Variants in MAPK8IP1 observed in about 807,000 individuals in gnomAD.
The protein encoded by MAPK8IP1 is mitogen-activated protein kinase 8 interacting protein 1, also known as C-Jun-amino-terminal kinase-interacting protein 1.
Under a neutral mutation model 72.6 loss-of-function variants are expected in MAPK8IP1, and 17 were observed. That is an observed-to-expected ratio of 0.23 (90% confidence interval 0.16 to 0.35). The LOEUF (loss-of-function observed/expected upper bound fraction) is 0.35, where lower values mean the gene tolerates loss of function less well. Among genes scored for constraint, MAPK8IP1 ranks in the 10% least tolerant of loss-of-function variants. The pLI, the probability that MAPK8IP1 is intolerant of heterozygous loss-of-function variation, is 1.00. For missense variants in MAPK8IP1, 789 were observed against 1,009.7 expected (o/e 0.78, Z 2.96); for synonymous variants, 401 against 443.4 (o/e 0.90, Z 1.20).
At position 45,898,976 on chromosome 11, in the gene MAPK8IP1, G is replaced by A. The variant is rs551356359; in HGVS notation, c.207+786G>A. ...AGCTCCTCTGAGCCCCCAAGAGGGC[G>A]GGTAGCCAGATACGGTGTCAGGAGA... On this transcript the variant is annotated intron_variant, in intron 2 of 11. Transcript: ENST00000241014. 3.9e-5 allele frequency among the ~76,000 whole-genome samples: 6 copies of A among 152,348 alleles called. No individual in the cohort carries two copies. In the South Asian group the frequency reaches 1.0e-3, roughly 26 times the overall value.
rs1406506939 is a variant in MAPK8IP1, at chr11:45,885,762, C to G, written c.-59C>G. 2 of 1,062,594 alleles carry G rather than the reference C, an allele frequency of 1.9e-6. No individual in the cohort carries two copies. Among genetic ancestry groups the G allele is most frequent in the East Asian group, 6.5e-5 (2 of 30,640 alleles). 65.8% of individuals were successfully genotyped at this position (1,062,594 alleles called of 1,614,324 possible). A position where few individuals can be genotyped will look rare whatever the true frequency, so the allele number is the denominator to read the frequency against. The stretch of plus-strand genomic sequence containing the variant: ...CCTCTCGCCGCGCCTCCGCCTCCTT[C>G]GCAGCCGCCGCCTCCTCCGCGCCGC... On this transcript the variant is annotated 5_prime_UTR_variant, in exon 1 of 12. Coordinates refer to ENST00000241014, the MANE Select transcript of MAPK8IP1 (RefSeq NM_005456.4).
intron 1 of MAPK8IP1, among the ~76,000 whole-genome samples, chr11:45,887,163 T>C (rs1450319866): frequency 6.6e-6 from 1 of 152,166 alleles, no homozygotes; most frequent in African/African-American, 2.4e-5. Flanking sequence ...CCTGGAGGCC[T>C]CTGCAGTGGA....
At chr11:45,897,530 C>T (rs967177008) in intron 1 of MAPK8IP1, among the ~76,000 whole-genome samples, 1 of 152,184 alleles carries the variant, frequency 6.6e-6, no homozygotes, top group Admixed American at 6.5e-5. Flanking sequence ...GGCTGGAGTC[C>T]TTTCTGGAAT....
At chr11:45,887,705 C>T (rs933081103) in intron 1 of MAPK8IP1, among the ~76,000 whole-genome samples, 3 of 152,080 alleles carry the variant, frequency 2.0e-5, no homozygotes, top group Admixed American at 6.6e-5. Flanking sequence ...GCCAGCTCTG[C>T]GGCATGTGGG....
Position 45,904,949 on chromosome 11 carries a change from G to A in MAPK8IP1, c.1894-22G>A, listed in dbSNP as rs1554961246. The A allele has an allele frequency of 6.2e-6, 10 of 1,613,100 alleles. No individual in the cohort carries two copies. In the Admixed American group the frequency reaches 1.7e-4, roughly 27 times the overall value. ...CTGCAGGCCAGGTGACCGCCCTCTT[G>A]CTTCTTTTCTCCCTCCTGTAGGGGA... On this transcript the variant is annotated intron_variant, in intron 9 of 11. Transcript: ENST00000241014. The surrounding 1 kb of genome is among the most constrained non-coding windows in gnomAD (Gnocchi z 6.4).
chr11:45,886,191 G>A (rs1980218), intron 1 of MAPK8IP1, among the ~76,000 whole-genome samples: 2 of 152,352 alleles, frequency 1.3e-5, no homozygotes, highest in Non-Finnish European at 2.9e-5. Flanking sequence ...GAGGGGGCTC[G>A]GAGGCCTCCT....
At chr11:45,895,446 C>T (rs143438037) in intron 1 of MAPK8IP1, among the ~76,000 whole-genome samples, 1 of 151,822 alleles carries the variant, frequency 6.6e-6, no homozygotes, top group East Asian at 1.9e-4. Context: ...ATGGTGAAAC[C>T]CTGTCTCTAC....
chr11:45,903,071 C>T lies in MAPK8IP1; in HGVS notation c.1304C>T (p.Pro435Leu), dbSNP rs376342394. The change falls in exon 5 of 12, where the codon CCG (proline) becomes CTG (leucine). Residue 435 changes from proline (P) to leucine (L), a missense_variant. Physicochemically the swap from Pro to Leu is moderately conservative, Grantham distance 98. This residue lies in a region of MAPK8IP1 where 377 missense variants were observed against 411.7 expected (regional missense o/e 0.92). Coordinates refer to ENST00000241014, the MANE Select transcript of MAPK8IP1 (RefSeq NM_005456.4). This position sits in a 1 kb window ranked among gnomAD's most constrained non-coding sequence, Gnocchi z 6.4. ...ATCGGAGAGGAATATGAGGAGGCCCCGCGGCCCCAGCCCCCTGCCTGCCTC... is the reference window on the plus strand; with the variant it reads ...ATCGGAGAGGAATATGAGGAGGCCCTGCGGCCCCAGCCCCCTGCCTGCCTC... ...SAIGEEYEEAPRPQPPACLSE... is the reference protein window; with the variant it reads ...SAIGEEYEEALRPQPPACLSE... 1.4e-5 allele frequency: 23 copies of T among 1,611,484 alleles called. No individual in the cohort carries two copies. The highest frequency in any genetic ancestry group is 4.5e-5 in the East Asian group (2 of 44,862).
Position 45,898,121 on chromosome 11 carries a change from T to C in MAPK8IP1, c.138T>C (p.Asp46=), listed in dbSNP as rs1441344130. 6.2e-7 allele frequency: 1 copy of C among 1,613,758 alleles called. No individual in the cohort carries two copies. The change falls in exon 2 of 12, where the codon GAT becomes GAC. Residue 46 remains aspartate, a synonymous_variant. Transcript: ENST00000241014. Reference sequence around the variant, plus strand: ...ACATCAGCCTGGAGGAGTTTGAGGATGAAGACCTCTCGGAGATCACTGATG... The same window carrying C: ...ACATCAGCCTGGAGGAGTTTGAGGACGAAGACCTCTCGGAGATCACTGATG... ...THDISLEEFE[D]EDLSEITDEC...
At position 45,902,718 on chromosome 11, in the gene MAPK8IP1, C is replaced by A; in HGVS notation, c.951C>A (p.Ala317=). 2.5e-6 allele frequency: 4 copies of A among 1,608,840 alleles called. No homozygotes were observed. The highest frequency in any genetic ancestry group is 3.4e-6 in the Non-Finnish European group (4 of 1,179,658). ...MSVSSDPDPA[A]YPSTAGRPHP... is the part of the protein sequence containing the mutation. ...TCAGCTCCGATCCAGACCCTGCCGC[C>A]TACCCCTCCACGGCAGGGCGGCCGC... Residue 317 remains alanine (A), a synonymous_variant, in exon 5 of 12, where the codon GCC becomes GCA. Coordinates refer to ENST00000241014, the MANE Select transcript of MAPK8IP1 (RefSeq NM_005456.4). This position sits in a 1 kb window ranked among gnomAD's most constrained non-coding sequence, Gnocchi z 9.3.
chr11:45,904,155 A>T lies in MAPK8IP1; in HGVS notation c.1660A>T (p.Met554Leu). ...CGAGGTCACCAAGGAGCCCGAGCAC[A>T]TGGCAGGTAGTGTTCCCTCCCTGGC... ...AIEVTKEPEH[M>L]AALAKNSDWV... Residue 554 changes from methionine (M) to leucine (L), a missense_variant, in exon 7 of 12, where the codon ATG becomes TTG. Coordinates refer to ENST00000241014, the MANE Select transcript of MAPK8IP1 (RefSeq NM_005456.4). This position sits in a 1 kb window ranked among gnomAD's most constrained non-coding sequence, Gnocchi z 6.4. The T allele has an allele frequency of 6.2e-7, 1 of 1,613,776 alleles. No homozygotes were observed. The highest frequency in any genetic ancestry group is 8.5e-7 in the Non-Finnish European group (1 of 1,179,946).
Position 45,905,785 on chromosome 11 carries a change from A to G in MAPK8IP1, c.*64A>G. 6.6e-7 allele frequency: 1 copy of G among 1,505,164 alleles called. No individual in the cohort carries two copies. The highest frequency in any genetic ancestry group is 9.2e-7 in the Non-Finnish European group (1 of 1,085,580). 93.2% of individuals were successfully genotyped at this position (1,505,164 alleles called of 1,614,324 possible). ...CCAGTGCCAGGACAGCTGGCTGCTG[A>G]CAGGATGTGGCACTGCTTGAGGAGG... On this transcript the variant is annotated 3_prime_UTR_variant, in exon 12 of 12. Transcript: ENST00000241014.
At chr11:45,890,881 G>C (rs1428623326) in intron 1 of MAPK8IP1, among the ~76,000 whole-genome samples, 1 of 152,218 alleles carries the variant, frequency 6.6e-6, no homozygotes, top group African/African-American at 2.4e-5. Flanking sequence ...TCTGAGTTTG[G>C]AGGGATGGCC....
At position 45,902,150 on chromosome 11, in the gene MAPK8IP1, G is replaced by T. The variant is rs956865273; in HGVS notation, c.604+89G>T. 131 of 1,252,908 alleles carry T rather than the reference G, an allele frequency of 1.0e-4. 2 individuals are homozygous for T. The highest frequency in any genetic ancestry group is 3.0e-4 in the Admixed American group (18 of 59,402). 77.6% of individuals were successfully genotyped at this position (1,252,908 alleles called of 1,614,324 possible). A position where few individuals can be genotyped will look rare whatever the true frequency, so the allele number is the denominator to read the frequency against. ...GAGCAAACCCTACAGTCTCCAAAGG[G>T]CTGAGTAGAGGTGAACTGCCCACCC... On this transcript the variant is annotated intron_variant, in intron 4 of 11. Transcript: ENST00000241014. The surrounding 1 kb of genome is among the most constrained non-coding windows in gnomAD (Gnocchi z 9.3).
At position 45,902,244 on chromosome 11, in the gene MAPK8IP1, G is replaced by GC; in HGVS notation, c.605-126dup. 1 of 992,902 alleles carries GC rather than the reference G, an allele frequency of 1.0e-6. No individual in the cohort carries two copies. The highest frequency in any genetic ancestry group is 1.6e-6 in the Non-Finnish European group (1 of 634,904). 61.5% of individuals were successfully genotyped at this position (992,902 alleles called of 1,614,324 possible). On this transcript the variant is annotated intron_variant, in intron 4 of 11. Coordinates refer to ENST00000241014, the MANE Select transcript of MAPK8IP1 (RefSeq NM_005456.4). This position sits in a 1 kb window ranked among gnomAD's most constrained non-coding sequence, Gnocchi z 9.3. ...CATGAGTGAGTTGACTGGCCCCAGAGCCTGCGAAGGGCCTGTTGCCCAGGG... is the reference window on the plus strand; with the variant it reads ...CATGAGTGAGTTGACTGGCCCCAGAGCCCTGCGAAGGGCCTGTTGCCCAGGG...
At position 45,902,834 on chromosome 11, in the gene MAPK8IP1, T is replaced by C. The variant is rs1329508876; in HGVS notation, c.1067T>C (p.Leu356Pro). Residue 356 changes from leucine (L) to proline (P), a missense_variant, in exon 5 of 12, where the codon CTG becomes CCG. Physicochemically the swap from Leu to Pro is moderately conservative, Grantham distance 98 (BLOSUM62 -3). Transcript: ENST00000241014. The surrounding 1 kb of genome is among the most constrained non-coding windows in gnomAD (Gnocchi z 9.3). Reference protein sequence around the residue: ...EPPGGGWRGSLGEPPPPPRAS... With the variant: ...EPPGGGWRGSPGEPPPPPRAS... Reference sequence around the variant, plus strand: ...CCAGGCGGAGGGTGGCGGGGGAGCCTGGGGGAGCCGCCGCCACCTCCACGG... The same window carrying C: ...CCAGGCGGAGGGTGGCGGGGGAGCCCGGGGGAGCCGCCGCCACCTCCACGG... 2 of 1,580,704 alleles carry C rather than the reference T, an allele frequency of 1.3e-6. No individual in the cohort carries two copies. Among genetic ancestry groups the C allele is most frequent in the Non-Finnish European group, 1.7e-6 (2 of 1,165,428 alleles).
intron 1 of MAPK8IP1, among the ~76,000 whole-genome samples, chr11:45,895,619 C>CA (rs1256044597): frequency 0.011 from 332 of 31,192 alleles, 2 homozygotes; most frequent in Middle Eastern, 0.019. Flanking sequence ...AAGGCCGTCT[C>CA]AAAAAAAAAA....
chr11:45,890,676 C>T (rs919918613), intron 1 of MAPK8IP1, among the ~76,000 whole-genome samples: 4 of 151,906 alleles, frequency 2.6e-5, no homozygotes, highest in Admixed American at 1.3e-4. Context: ...TAGGATGATG[C>T]TGGGGCTCCT....
Position 45,902,389 on chromosome 11 carries a change from C to A in MAPK8IP1, c.622C>A (p.His208Asn). The part of the protein sequence containing the change: ...PLKTGEQTPP[H>N]EHICLSDELP... ...CTCTCCAGGGGAGCAGACACCACCG[C>A]ATGAACACATCTGCCTGAGCGATGA... Residue 208 changes from histidine (H) to asparagine (N), a missense_variant, in exon 5 of 12, where the codon CAT becomes AAT. His to Asn is a moderately conservative substitution (Grantham distance 68, BLOSUM62 1). This residue lies in a region of MAPK8IP1 where 377 missense variants were observed against 411.7 expected (regional missense o/e 0.92). Transcript: ENST00000241014. The surrounding 1 kb of genome is among the most constrained non-coding windows in gnomAD (Gnocchi z 9.3). 6.4e-7 allele frequency: 1 copy of A among 1,571,162 alleles called. No homozygotes were observed. The highest frequency in any genetic ancestry group is 8.6e-7 in the Non-Finnish European group (1 of 1,158,698).
Sources: gnomAD v4.1 joint callset for allele counts (sites outside exome capture counted in the v4.1 genomes callset) on GRCh38, gnomAD v4.1.1 for gene constraint, gnomAD v4.1.1 regional missense constraint, Gnocchi (gnomAD v3.1) non-coding constraint, MANE v1.5 for transcripts, NCBI Gene and HGNC (gene_info 2026-07-23, HGNC 2026-07-21) for gene names.